PTPRK: variants seen among roughly 807,000 people sequenced by gnomAD.
The protein encoded by PTPRK is protein tyrosine phosphatase receptor type K.
PTPRK carries 75 observed loss-of-function variants against 178.0 expected under a neutral mutation model. The observed-to-expected ratio is 0.42, with a 90% CI of 0.35 to 0.51. The LOEUF is 0.51. PTPRK is among the 20% of genes least tolerant of loss of function. The pLI is 0.02. For missense variants in PTPRK, 1,441 were observed against 1,797.8 expected, an observed-to-expected ratio of 0.80 and a Z score of 3.59; for synonymous variants, 637 against 620.6, an observed-to-expected ratio of 1.03 and a Z score of -0.39.
At chr6:128,000,606 T>A (rs1777718292) in intron 15 of PTPRK, among the ~76,000 whole-genome samples, 1 of 152,074 alleles carries the variant, frequency 6.6e-6, no homozygotes, top group African/African-American at 2.4e-5. Flanking sequence ...GTTCTCACTA[T>A]GCGACCAAAG....
chr6:128,435,801 A>G (rs1303295217), intron 1 of PTPRK, among the ~76,000 whole-genome samples: 1 of 152,144 alleles, frequency 6.6e-6, no homozygotes, highest in Non-Finnish European at 1.5e-5. Flanking sequence ...AAAAGCCCCA[A>G]CTCAAAAATT....
chr6:128,379,030 G>A (rs1393329125), intron 2 of PTPRK, among the ~76,000 whole-genome samples: 1 of 152,064 alleles, frequency 6.6e-6, no homozygotes, highest in Non-Finnish European at 1.5e-5. Flanking sequence ...TATTAAGAAA[G>A]AAAGAATATA....
chr6:128,410,630 T>G (rs1300689215), intron 1 of PTPRK, among the ~76,000 whole-genome samples: 1 of 152,202 alleles, frequency 6.6e-6, no homozygotes, highest in Admixed American at 6.5e-5. Context: ...GGAGTATCTG[T>G]GATTTCTTTA....
intron 7 of PTPRK, among the ~76,000 whole-genome samples, chr6:128,125,553 TC>T (rs1391693255): frequency 6.6e-6 from 1 of 151,834 alleles, no homozygotes; most frequent in African/African-American, 2.4e-5. Context: ...CTTGAGTGTT[TC>T]TTTATAGCAA....
intron 1 of PTPRK, among the ~76,000 whole-genome samples, chr6:128,464,634 T>TATATATATATATATATATATAC (rs1187260110): frequency 1.7e-4 from 7 of 40,908 alleles, no homozygotes; most frequent in African/African-American, 1.2e-3. Context: ...TATATATATA[T>TATATATATATATATATATATAC]ACACATATAT....
At chr6:128,281,720 A>G (rs1048471217) in intron 3 of PTPRK, among the ~76,000 whole-genome samples, 5 of 152,074 alleles carry the variant, frequency 3.3e-5, no homozygotes, top group African/African-American at 1.2e-4. Flanking sequence ...CTATCTCTGC[A>G]CTTACCATCC....
chr6:128,221,988 G>A (rs1002400597), intron 5 of PTPRK, among the ~76,000 whole-genome samples: 10 of 151,862 alleles, frequency 6.6e-5, no homozygotes, highest in Admixed American at 3.3e-4. Flanking sequence ...GCTTACTTTT[G>A]TTATACAACC....
In PTPRK at chr6:127,982,917, G is replaced by A; in HGVS notation, c.3451C>T (p.Pro1151Ser). 1 of 1,612,160 alleles carries A rather than the reference G, an allele frequency of 6.2e-7. No individual in the cohort carries two copies. The highest frequency in any genetic ancestry group is 1.7e-5 in the Admixed American group (1 of 60,024). ...EACLCGETAI[P>S]VCEFKAAYFD... ...TATGCAGCTTTAAATTCACAGACAG[G>A]TATGGCAGTTTCTCCACATAAGCAG... Residue 1151 changes from proline to serine, a missense_variant, in exon 24 of 30, where the codon CCT (proline) becomes TCT (serine). By Grantham distance (74) the Pro-to-Ser change is moderately conservative. Around this residue, in one of 4 missense-constraint regions of PTPRK, gnomAD observed 335 missense variants for 512.4 expected, o/e 0.65. Coordinates refer to ENST00000368226, the MANE Select transcript of PTPRK (RefSeq NM_002844.4).
intron 8 of PTPRK, among the ~76,000 whole-genome samples, chr6:128,084,179 G>A (rs1207219567): frequency 1.3e-5 from 2 of 152,058 alleles, no homozygotes; most frequent in Non-Finnish European, 1.5e-5. Flanking sequence ...CAAGAACAGA[G>A]CTGTATTTCC....
At chr6:127,973,860 T>G in intron 27 of PTPRK, 33 bp from the exon 28 acceptor site, 1 of 1,589,274 alleles carries the variant, frequency 6.3e-7, no homozygotes, top group Non-Finnish European at 8.6e-7. Flanking sequence ...GTAAATACGC[T>G]GGGACTACAA....
chr6:128,262,037 T>C (rs1224937062), intron 3 of PTPRK, among the ~76,000 whole-genome samples: 2 of 152,160 alleles, frequency 1.3e-5, no homozygotes, highest in African/African-American at 2.4e-5. Flanking sequence ...TCTCCACATG[T>C]GCAAATGACA....
chr6:128,138,997 C>T (rs945056547), intron 7 of PTPRK, among the ~76,000 whole-genome samples: 25 of 152,018 alleles, frequency 1.6e-4, no homozygotes, highest in African/African-American at 5.1e-4. Flanking sequence ...AAGGAATACA[C>T]ACAGTGGAAT....
At chr6:128,459,262 G>A (rs1372760175) in intron 1 of PTPRK, among the ~76,000 whole-genome samples, 3 of 152,036 alleles carry the variant, frequency 2.0e-5, no homozygotes, top group African/African-American at 7.2e-5. Flanking sequence ...TAATGGTCAG[G>A]GCATGGCATC....
chr6:128,001,249 C>T (rs766883945), intron 15 of PTPRK: 49 of 1,485,552 alleles, frequency 3.3e-5, no homozygotes, highest in East Asian at 1.7e-4. Flanking sequence ...ACCAAAAATA[C>T]GAATCAGTAT....
chr6:128,481,422 T>C (rs1016119425), intron 1 of PTPRK, among the ~76,000 whole-genome samples: 1 of 152,156 alleles, frequency 6.6e-6, no homozygotes, highest in Non-Finnish European at 1.5e-5. Flanking sequence ...AACTCCCCAA[T>C]AGACTAACCA....
At chr6:128,122,533 A>G (rs1027671956) in intron 7 of PTPRK, among the ~76,000 whole-genome samples, 2 of 152,172 alleles carry the variant, frequency 1.3e-5, no homozygotes, top group Non-Finnish European at 2.9e-5. Flanking sequence ...TTAAACCTTA[A>G]AGTAGAATCC....
chr6:128,490,522 C>T (rs1008330705), intron 1 of PTPRK, among the ~76,000 whole-genome samples: 3 of 152,176 alleles, frequency 2.0e-5, no homozygotes, highest in African/African-American at 7.2e-5. Context: ...GGCCCCAATA[C>T]TGGGAAGTTC....
At chr6:128,119,721 T>C (rs1255739921) in intron 7 of PTPRK, among the ~76,000 whole-genome samples, 1 of 152,066 alleles carries the variant, frequency 6.6e-6, no homozygotes, top group African/African-American at 2.4e-5. Context: ...GATATCATGA[T>C]AAGGTTAAGT....
intron 5 of PTPRK, among the ~76,000 whole-genome samples, chr6:128,229,959 A>G (rs1010485548): frequency 6.6e-6 from 1 of 151,334 alleles, no homozygotes; most frequent in African/African-American, 2.5e-5. Flanking sequence ...CTAAACAAAT[A>G]CAAAAGAAAT....
Sources: allele counts gnomAD v4.1 joint callset (sites outside exome capture counted in the v4.1 genomes callset), GRCh38; gene constraint gnomAD v4.1.1; regional missense constraint gnomAD v4.1.1; transcripts MANE v1.5; gene names NCBI Gene and HGNC (gene_info 2026-07-23, HGNC 2026-07-21).